Variants in CTC1 observed in about 807,000 individuals in gnomAD.
CTC1 encodes CST complex subunit CTC1.
CTC1 carries 91 observed loss-of-function variants against 136.3 expected under a neutral mutation model. That is an observed-to-expected ratio of 0.67 (90% CI 0.56 to 0.79). The LOEUF is 0.79. CTC1 is among the 30% of genes least tolerant of loss of function. The probability of loss-of-function intolerance (pLI) is 0.00; values close to 1 mark genes in which losing one functional copy is unlikely to be tolerated. For synonymous variants in CTC1, 606 were observed against 613.8 expected, an observed-to-expected ratio of 0.99 and a Z score of 0.19; for missense variants, 1,432 against 1,498.1, an observed-to-expected ratio of 0.96 and a Z score of 0.73.
chr17:8,228,132 T>C lies in CTC1; in HGVS notation c.*48A>G. On this transcript the variant is annotated 3_prime_UTR_variant, in exon 23 of 23. Coordinates refer to ENST00000651323, the MANE Select transcript of CTC1 (RefSeq NM_025099.6). The stretch of plus-strand genomic sequence containing the variant: ...AGGGAGAGGAGCCAGGACCTAGGCC[T>C]TCAGGTTTTCAGCAAGGAAGGACTC... The C allele has an allele frequency of 1.3e-6, 2 of 1,592,860 alleles. No homozygotes were observed. The highest frequency in any genetic ancestry group is 1.7e-6 in the Non-Finnish European group (2 of 1,162,114).
Position 8,236,058 on chromosome 17 carries a change from C to T in CTC1, c.1077G>A (p.Ser359=), listed in dbSNP as rs767741611. 5.6e-6 allele frequency: 9 copies of T among 1,609,690 alleles called. No individual in the cohort carries two copies. Among genetic ancestry groups the T allele is most frequent in the Admixed American group, 1.7e-5 (1 of 59,870 alleles). ...CTCTAGGATCTCTCCCTGTGCTCAC[C>T]GAATAGGATAGGAGTCTAGAATACC... is the stretch of plus-strand genomic sequence containing the variant. ...LVRYSRLLSY[S]GAVTGVLNEP... Residue 359 remains serine (S), a splice_region_variant and synonymous_variant, in exon 6 of 23, where the codon TCG becomes TCA. Transcript: ENST00000651323.
In CTC1 at chr17:8,235,883, T is replaced by G. The variant is rs781626468; in HGVS notation, c.1154A>C (p.Tyr385Ser). ...LDGQLGLCLA[Y>S]QQFRGLRRVM... ...CCGCCTAAGGCCACGGAACTGCTGG[T>G]AGGCAAGGCAGAGCCCCAGCTGCCC... The change falls in exon 7 of 23, where the codon TAC becomes TCC. Residue 385 changes from tyrosine (Y) to serine (S), a missense_variant. By Grantham distance (144) the Tyr-to-Ser change is moderately radical. Transcript: ENST00000651323. The G allele has an allele frequency of 6.2e-7, 1 of 1,613,918 alleles. No homozygotes were observed. Among genetic ancestry groups the G allele is most frequent in the South Asian group, 1.1e-5 (1 of 91,070 alleles).
In CTC1 at chr17:8,228,987, T is replaced by C. The variant is rs1345647691; in HGVS notation, c.3222-95A>G. ...CCTCCCTCCCCGCTGTCTGCAGTCT[T>C]TGGCTCACAGATTTAGGAGCTTACC... On this transcript the variant is annotated intron_variant, in intron 20 of 22. Coordinates refer to ENST00000651323, the MANE Select transcript of CTC1 (RefSeq NM_025099.6). The C allele has an allele frequency of 4.0e-6, 6 of 1,501,174 alleles. No individual in the cohort carries two copies. In the African/African-American group the frequency reaches 8.4e-5, roughly 21 times the overall value. The allele number at this position is 1,501,174 out of a possible 1,614,324, so 93.0% of individuals were successfully genotyped here.
intron 15 of CTC1, 63 bp downstream of exon 15, chr17:8,231,212 AC>A (rs1428903744): frequency 7.5e-7 from 1 of 1,327,326 alleles, no homozygotes; most frequent in African/African-American, 1.5e-5. Context: ...TCTTCACCAA[AC>A]CCAGCTAGCT....
chr17:8,234,275 T>A (rs1332006939), intron 10 of CTC1, among the ~76,000 whole-genome samples, 180 bp downstream of exon 10: 13 of 152,250 alleles, frequency 8.5e-5, no homozygotes, highest in Non-Finnish European at 1.5e-5. Context: ...GTGCCTGGCA[T>A]ATCCCCATTT....
intron 7 of CTC1, 89 bp downstream of exon 7, chr17:8,235,742 A>C: frequency 7.1e-7 from 1 of 1,400,312 alleles, no homozygotes; most frequent in Non-Finnish European, 9.6e-7. Context: ...CTATATTTCT[A>C]TATAACCACC....
intron 2 of CTC1, 120 bp from the exon 3 acceptor site, chr17:8,238,749 G>T: frequency 1.4e-6 from 1 of 718,834 alleles, no homozygotes; most frequent in Non-Finnish European, 2.3e-6. Context: ...GGACTAAGAG[G>T]TGAGTTTGAT....
intron 7 of CTC1, among the ~76,000 whole-genome samples, chr17:8,235,551 A>G (rs1160043927): frequency 1.3e-5 from 2 of 151,874 alleles, no homozygotes; most frequent in Non-Finnish European, 2.9e-5. Flanking sequence ...GTCGCCTGAG[A>G]TCACCCCAGC....
chr17:8,243,539 G>C (rs569911714), intron 1 of CTC1, among the ~76,000 whole-genome samples: 2 of 150,750 alleles, frequency 1.3e-5, no homozygotes, highest in Non-Finnish European at 3.0e-5. Context: ...AAAAAGAAAA[G>C]AATATCCAGA....
intron 18 of CTC1, 133 bp downstream of exon 18, chr17:8,229,758 A>G: frequency 1.4e-6 from 1 of 723,664 alleles, no homozygotes; most frequent in Non-Finnish European, 2.4e-6. Context: ...GGAGTAGAGA[A>G]GCTCCTCTGA....
intron 20 of CTC1, 65 bp from the exon 21 acceptor site, chr17:8,228,957 A>T (rs1217334431): frequency 1.9e-6 from 3 of 1,540,460 alleles, no homozygotes; most frequent in Non-Finnish European, 2.6e-6. Context: ...CCTGGACCCA[A>T]CATGCCTCCC....
intron 17 of CTC1, 154 bp downstream of exon 17, chr17:8,230,140 C>G (rs1319562287): frequency 1.0e-6 from 1 of 968,036 alleles, no homozygotes; most frequent in Non-Finnish European, 1.6e-6. Context: ...CCTGCAACAC[C>G]TCGTGAGGGT....
At chr17:8,240,203 G>C (rs896465142) in intron 2 of CTC1, among the ~76,000 whole-genome samples, 4 of 146,786 alleles carry the variant, frequency 2.7e-5, no homozygotes, top group African/African-American at 1.0e-4. Context: ...CGCCCAGACT[G>C]GAGTGCATTG....
chr17:8,231,404 GC>G lies in CTC1; in HGVS notation c.2540del (p.Gly847AlafsTer37). On this transcript the variant is annotated frameshift_variant, in exon 15 of 23. Transcript: ENST00000651323. LOFTEE classifies it high-confidence loss of function. ...CCTGGACAGTGAGGCAGGATGCACA[GC>G]CAGCCAACTCCAGAGGACGCCGAGA... The part of the protein sequence containing the change: ...CISRRPLELA[G>X]CASCLTVQDN... 1.2e-6 allele frequency: 2 copies of G among 1,613,572 alleles called. No homozygotes were observed. Among genetic ancestry groups the G allele is most frequent in the Non-Finnish European group, 1.7e-6 (2 of 1,179,546 alleles).
intron 21 of CTC1, 31 bp from the exon 22 acceptor site, chr17:8,228,660 C>G (rs745525096): frequency 6.8e-6 from 11 of 1,613,924 alleles, no homozygotes; most frequent in Non-Finnish European, 9.3e-6. Context: ...TTAACTGGCT[C>G]CTAAACCCTT....
chr17:8,229,040 G>A lies in CTC1; in HGVS notation c.3221+102C>T, dbSNP rs1243190056. 20 of 1,477,140 alleles carry A rather than the reference G, an allele frequency of 1.4e-5. No individual in the cohort carries two copies. In the Admixed American group the frequency reaches 2.1e-4, roughly 15 times the overall value. The allele number at this position is 1,477,140 out of a possible 1,614,324, so 91.5% of individuals were successfully genotyped here. On this transcript the variant is annotated intron_variant, in intron 20 of 22. Coordinates refer to ENST00000651323, the MANE Select transcript of CTC1 (RefSeq NM_025099.6). The stretch of plus-strand genomic sequence containing the variant: ...CATTCATTCGTTCAAAAAATATTAA[G>A]CAATTCTCATGAGCCAGGAATTATG...
At position 8,238,599 on chromosome 17, in the gene CTC1, G is replaced by C. The variant is rs531109382; in HGVS notation, c.228C>G (p.His76Gln). Reference protein sequence around the residue: ...SFVSVQDLKTHQRLPCCSHLS... With the variant: ...SFVSVQDLKTQQRLPCCSHLS... ...GGTGGCTGCAGCATGGGAGACGCTGGTGAGTCTTGAGGTCCTGTACTGAGA... is the reference window on the plus strand; with the variant it reads ...GGTGGCTGCAGCATGGGAGACGCTGCTGAGTCTTGAGGTCCTGTACTGAGA... The change falls in exon 3 of 23, where the codon CAC (histidine) becomes CAG (glutamine). Residue 76 changes from histidine to glutamine, a missense_variant. By Grantham distance (24) the His-to-Gln change is conservative (BLOSUM62 0). Coordinates refer to ENST00000651323, the MANE Select transcript of CTC1 (RefSeq NM_025099.6). The C allele has an allele frequency of 1.9e-5, 31 of 1,612,198 alleles. No homozygotes were observed. In the South Asian group the frequency reaches 3.2e-4, roughly 17 times the overall value.
chr17:8,241,179 T>C (rs1274208749), intron 2 of CTC1, among the ~76,000 whole-genome samples: 1 of 151,996 alleles, frequency 6.6e-6, no homozygotes, highest in Non-Finnish European at 1.5e-5. Context: ...TCCCAGCTTC[T>C]TGGTAGGCTG....
rs1032908900 is a variant in CTC1 at position 8,229,583 on chromosome 17, G to A, written c.3012-137C>T. On this transcript the variant is annotated intron_variant, in intron 18 of 22. Transcript: ENST00000651323. ...CAGTGGGTTCCATGCGCTCCTAGAA[G>A]CCCCATTTTAATTCCTGATCTCTGA... 1.1e-5 allele frequency: 8 copies of A among 727,024 alleles called. No homozygotes were observed. In the East Asian group the frequency reaches 1.3e-4, roughly 12 times the overall value. 45.0% of individuals were successfully genotyped at this position (727,024 alleles called of 1,614,324 possible).
Sources: gnomAD v4.1 joint callset for allele counts (sites outside exome capture counted in the v4.1 genomes callset) on GRCh38, gnomAD v4.1.1 for gene constraint, MANE v1.5 for transcripts, NCBI Gene and HGNC (gene_info 2026-07-23, HGNC 2026-07-21) for gene names.